Variants in PCDHA1 observed in about 807,000 individuals in gnomAD.
The protein encoded by PCDHA1 is protocadherin alpha-1.
PCDHA1 carries 42 observed loss-of-function variants against 61.3 expected under a neutral mutation model. The observed-to-expected ratio is 0.69, with a 90% CI of 0.54 to 0.89. The LOEUF (loss-of-function observed/expected upper bound fraction) is 0.89, where lower values mean the gene tolerates loss of function less well. Among genes scored for constraint, PCDHA1 ranks in the 40% least tolerant of loss-of-function variants. The pLI is 0.00. For synonymous variants in PCDHA1, 610 were observed against 553.8 expected, an observed-to-expected ratio of 1.10 and a Z score of -1.43; for missense variants, 1,256 against 1,235.3, an observed-to-expected ratio of 1.02 and a Z score of -0.25.
In PCDHA1 at chr5:140,851,110, A is replaced by G. The variant is rs2041963644; in HGVS notation, c.2394+62426A>G. On this transcript the variant is annotated intron_variant, in intron 1 of 3. Transcript: ENST00000504120. ...TAAATAGATATTTTTTGGGTGCTGA[A>G]TCAATTTTATTTAAATTTGTGATTA... 1.5e-6 allele frequency: 2 copies of G among 1,302,324 alleles called. 1 individual carries two copies. The highest frequency in any genetic ancestry group is 2.0e-6 in the Non-Finnish European group (2 of 1,004,926). 80.7% of individuals were successfully genotyped at this position (1,302,324 alleles called of 1,614,324 possible). A position where few individuals can be genotyped will look rare whatever the true frequency, so the allele number is the denominator to read the frequency against.
chr5:140,994,102 A>G (rs2097596379), intron 3 of PCDHA1, among the ~76,000 whole-genome samples: 1 of 152,194 alleles, frequency 6.6e-6, no homozygotes, highest in African/African-American at 2.4e-5. Context: ...TGATGGAAAT[A>G]TTACATTGTC....
Position 140,822,346 on chromosome 5 carries a change from T to C in PCDHA1, c.2394+33662T>C, listed in dbSNP as rs1304224599. The stretch of plus-strand genomic sequence containing the variant: ...AACAAATGAAGAAGAAACGAACTTT[T>C]TAGAGCTGGTTTTGAGGAAATCCTT... On this transcript the variant is annotated intron_variant, in intron 1 of 3. Coordinates refer to ENST00000504120, the MANE Select transcript of PCDHA1 (RefSeq NM_018900.4). The C allele has an allele frequency of 2.5e-6, 4 of 1,613,992 alleles. No homozygotes were observed. In the African/African-American group the frequency reaches 5.3e-5, roughly 22 times the overall value.
chr5:140,805,075 C>T, intron 1 of PCDHA1: 1 of 1,593,602 alleles, frequency 6.3e-7, no homozygotes, highest in South Asian at 1.1e-5. Flanking sequence ...GAACTTCAAT[C>T]TTCAAATCCA....
intron 1 of PCDHA1, among the ~76,000 whole-genome samples, chr5:140,916,789 C>T (rs146305877): frequency 2.8e-4 from 42 of 152,168 alleles, no homozygotes; most frequent in Non-Finnish European, 4.7e-4. Context: ...TTAGCTGCCC[C>T]AGCTGATGAC....
At chr5:140,862,306 C>T (rs184682479) in intron 1 of PCDHA1, 3 of 279,438 alleles carry the variant, frequency 1.1e-5, no homozygotes, top group Admixed American at 9.2e-5. Flanking sequence ...CACTGGGTAC[C>T]GTCATAGCCC....
chr5:140,809,002 G>T (rs1764330578), intron 1 of PCDHA1: 1 of 1,613,678 alleles, frequency 6.2e-7, no homozygotes, highest in Non-Finnish European at 8.5e-7. Flanking sequence ...GCTACAACGC[G>T]TGGCTTTCGT....
intron 1 of PCDHA1, among the ~76,000 whole-genome samples, chr5:140,832,070 T>G (rs1282000636): frequency 6.6e-6 from 1 of 152,252 alleles, no homozygotes; most frequent in Non-Finnish European, 1.5e-5. Context: ...TAATCTGAGA[T>G]GTCTCTAACA....
chr5:140,829,816 T>C (rs2150175358), intron 1 of PCDHA1: 4 of 1,613,796 alleles, frequency 2.5e-6, no homozygotes, highest in South Asian at 1.1e-5. Context: ...GTACTGGTGG[T>C]GCAGTGAGCG....
intron 1 of PCDHA1, chr5:140,805,162 G>A: frequency 6.5e-7 from 1 of 1,541,292 alleles, no homozygotes; most frequent in Non-Finnish European, 8.7e-7. Context: ...TCACTTCACA[G>A]ATGTACTGAT....
chr5:140,939,028 C>T (rs1231920381), intron 1 of PCDHA1, among the ~76,000 whole-genome samples: 6 of 152,098 alleles, frequency 3.9e-5, no homozygotes, highest in East Asian at 1.9e-4. Context: ...TTTACTTATT[C>T]GGAAGAGTTG....
intron 1 of PCDHA1, chr5:140,841,234 C>A: frequency 6.8e-7 from 1 of 1,471,288 alleles, no homozygotes. Context: ...ACGGGAGATG[C>A]AGCGGAATTG....
At chr5:140,824,409 A>G (rs1472430653) in intron 1 of PCDHA1, 3 of 535,638 alleles carry the variant, frequency 5.6e-6, no homozygotes, top group Non-Finnish European at 9.8e-6. Context: ...ATTGTAAGAC[A>G]TAGTTTGGAG....
intron 1 of PCDHA1, chr5:140,842,567 G>A: frequency 1.3e-6 from 2 of 1,504,984 alleles, no homozygotes; most frequent in Non-Finnish European, 1.8e-6. Context: ...CCTGGACCGC[G>A]AGAGAGTGTC....
At chr5:140,817,434 G>C (rs2150098195) in intron 1 of PCDHA1, 17 of 152,176 alleles carry the variant, frequency 1.1e-4, no homozygotes, top group African/African-American at 4.1e-4. Flanking sequence ...TGGAGGGTCT[G>C]GGGATTCCTA....
chr5:140,887,222 G>A (rs1406254180), intron 1 of PCDHA1, among the ~76,000 whole-genome samples: 1 of 151,284 alleles, frequency 6.6e-6, no homozygotes, highest in Non-Finnish European at 1.5e-5. Flanking sequence ...TCAGCCTCCC[G>A]AGTAGCTGAG....
intron 1 of PCDHA1, chr5:140,828,951 C>T: frequency 1.9e-6 from 3 of 1,614,200 alleles, no homozygotes; most frequent in South Asian, 1.1e-5. Context: ...CTTGTTGCAG[C>T]CATGGTTATT....
intron 1 of PCDHA1, among the ~76,000 whole-genome samples, chr5:140,907,240 A>G (rs563432322): frequency 5.3e-5 from 8 of 152,310 alleles, no homozygotes; most frequent in Admixed American, 5.2e-4. Context: ...CCTAGTTGAC[A>G]TTGTAATTGT....
intron 1 of PCDHA1, among the ~76,000 whole-genome samples, chr5:140,826,625 C>T (rs1180979712): frequency 6.6e-6 from 1 of 151,940 alleles, no homozygotes; most frequent in South Asian, 2.1e-4. Context: ...TGATATTTGG[C>T]CCTGACTTTT....
chr5:140,879,539 A>G (rs1554170849), intron 1 of PCDHA1, among the ~76,000 whole-genome samples: 1 of 152,238 alleles, frequency 6.6e-6, no homozygotes, highest in Non-Finnish European at 1.5e-5. Flanking sequence ...CAACTCCTTT[A>G]GAGAAAAAAA....
Sources: allele counts gnomAD v4.1 joint callset (sites outside exome capture counted in the v4.1 genomes callset), GRCh38; gene constraint gnomAD v4.1.1; transcripts MANE v1.5; gene names NCBI Gene and HGNC (gene_info 2026-07-23, HGNC 2026-07-21).